DONSON: variants seen among roughly 807,000 people sequenced by gnomAD.
DONSON encodes the protein DNA replication fork stabilization factor DONSON.
DONSON carries 43 observed loss-of-function variants against 62.1 expected under a neutral mutation model. That is an observed-to-expected ratio of 0.69 (90% CI 0.54 to 0.89). The LOEUF (loss-of-function observed/expected upper bound fraction) is 0.89, where lower values mean the gene tolerates loss of function less well. Ranked by LOEUF, DONSON falls within the 40% of genes least tolerant of loss-of-function variation. The pLI is 0.00. For synonymous variants in DONSON, 266 were observed against 264.6 expected (o/e 1.01, Z -0.05); for missense variants, 696 against 697.5 (o/e 1.00, Z 0.03).
chr21:33,578,833 CTG>C (rs1463321812), intron 9 of DONSON, among the ~76,000 whole-genome samples: 2 of 152,204 alleles, frequency 1.3e-5, no homozygotes, highest in Non-Finnish European at 2.9e-5. Context: ...TCTTCAGTCA[CTG>C]TTAAAACTAT....
chr21:33,583,717 G>C (rs770284484), intron 4 of DONSON, 51 bp from the exon 5 acceptor site: 2 of 1,373,966 alleles, frequency 1.5e-6, no homozygotes, highest in South Asian at 2.7e-5. Flanking sequence ...TTAATGCAAT[G>C]TTTATAATTC....
At chr21:33,586,613 G>A (rs76949788) in intron 2 of DONSON, among the ~76,000 whole-genome samples, 16 of 152,158 alleles carry the variant, frequency 1.1e-4, no homozygotes, top group African/African-American at 3.6e-4. Flanking sequence ...GCTTCAGGTC[G>A]ACGTTCTCCA....
At chr21:33,578,517 T>C (rs2086462673) in intron 9 of DONSON, 73 bp from the exon 10 acceptor site, 1 of 1,425,978 alleles carries the variant, frequency 7.0e-7, no homozygotes. Flanking sequence ...ATAATTACTA[T>C]GGAGACTGAC....
intron 3 of DONSON, 108 bp from the exon 4 acceptor site, chr21:33,584,876 C>A: frequency 1.1e-6 from 1 of 918,520 alleles, no homozygotes; most frequent in Non-Finnish European, 1.5e-6. Context: ...TTATTGCTTT[C>A]TATAGGAAAG....
chr21:33,586,152 A>ATCC lies in DONSON; in HGVS notation c.431_432insGGA (p.Pro143_Asp144insGlu). Reference sequence around the variant, plus strand: ...ACTCAGTACTTTTTGAGGACGGAATATCAGGCTCGGAGAATGATACATGTG... The same window carrying ATCC: ...ACTCAGTACTTTTTGAGGACGGAATATCCTCAGGCTCGGAGAATGATACATGTG... On this transcript the variant is annotated inframe_insertion, in exon 3 of 10. Transcript: ENST00000303071. 1 of 1,614,168 alleles carries ATCC rather than the reference A, an allele frequency of 6.2e-7. No homozygotes were observed. The highest frequency in any genetic ancestry group is 8.5e-7 in the Non-Finnish European group (1 of 1,180,016).
chr21:33,587,704 A>C, intron 1 of DONSON, 102 bp from the exon 2 acceptor site: 1 of 723,980 alleles, frequency 1.4e-6, no homozygotes, highest in South Asian at 2.1e-5. Context: ...AATAAACGCA[A>C]GTACACCTAA....
At chr21:33,584,417 TA>T (rs762498161) in intron 4 of DONSON, among the ~76,000 whole-genome samples, 172 bp downstream of exon 4, 297 of 135,468 alleles carry the variant, frequency 2.2e-3, no homozygotes, top group Non-Finnish European at 2.2e-3. Flanking sequence ...GAGTAACAGC[TA>T]AAAAAAAAAA....
intron 8 of DONSON, among the ~76,000 whole-genome samples, chr21:33,580,001 C>A (rs1313153664): frequency 1.3e-5 from 2 of 151,772 alleles, no homozygotes; most frequent in Non-Finnish European, 2.9e-5. Context: ...TCAAGACCAG[C>A]CTGGCCAACA....
At chr21:33,584,201 C>T (rs1349030529) in intron 4 of DONSON, among the ~76,000 whole-genome samples, 5 of 151,436 alleles carry the variant, frequency 3.3e-5, no homozygotes, top group South Asian at 2.1e-4. Context: ...CCCGCCACCA[C>T]ACCAGGCTAA....
rs1038999389 is a variant in DONSON, at chr21:33,583,765, A to G, written c.786-99T>C. The G allele has an allele frequency of 1.3e-5, 13 of 973,724 alleles. No individual in the cohort carries two copies. The South Asian group carries it at 2.4e-4, about 18-fold the overall frequency. The allele number at this position is 973,724 out of a possible 1,614,324, so 60.3% of individuals were successfully genotyped here. On this transcript the variant is annotated intron_variant, in intron 4 of 9. Transcript: ENST00000303071. ...TTTGATACCTGGTTTAAAACACAAC[A>G]CAAATATTTTAGATAATGGTTTTAA...
rs766754894 is a variant in DONSON at position 33,588,346 on chromosome 21, C to A, written c.296G>T (p.Arg99Leu). The change falls in exon 1 of 10, where the codon CGC becomes CTC. Residue 99 changes from arginine (R) to leucine (L), a missense_variant. Arg to Leu is a moderately radical substitution (Grantham distance 102). Transcript: ENST00000303071. ...VAAEPPDGPAREQPEAPVPFL... is the reference protein window; with the variant it reads ...VAAEPPDGPALEQPEAPVPFL... ...CGGGACCGGGGCCTCCGGCTGCTCG[C>A]GGGCCGGCCCGTCGGGGGGCTCCGC... 1 of 1,292,426 alleles carries A rather than the reference C, an allele frequency of 7.7e-7. No individual in the cohort carries two copies. The allele number at this position is 1,292,426 out of a possible 1,614,324, so 80.1% of individuals were successfully genotyped here.
rs758229003 is a variant in DONSON at position 33,578,277 on chromosome 21, C to CA, written c.*29dup. The CA allele has an allele frequency of 5.6e-6, 9 of 1,592,934 alleles. No homozygotes were observed. The South Asian group carries it at 1.0e-4, about 18-fold the overall frequency. On this transcript the variant is annotated 3_prime_UTR_variant, in exon 10 of 10. Coordinates refer to ENST00000303071, the MANE Select transcript of DONSON (RefSeq NM_017613.4). ...TTCCTTGCTAGAAGGCTTTTTTCCT[C>CA]AAAGATTCCTTTTAGGCTTACTTTG...
chr21:33,580,806 CCA>C (rs1392746699), intron 8 of DONSON, among the ~76,000 whole-genome samples: 3 of 152,060 alleles, frequency 2.0e-5, no homozygotes, highest in South Asian at 2.1e-4. Context: ...CGCTTGAACC[CCA>C]GAGTTGGAGG....
At chr21:33,587,803 G>A (rs918087659) in intron 1 of DONSON, among the ~76,000 whole-genome samples, 2 of 152,140 alleles carry the variant, frequency 1.3e-5, no homozygotes, top group Non-Finnish European at 2.9e-5. Context: ...AACAGGGACC[G>A]GCGTTTCAAA....
Position 33,584,804 on chromosome 21 carries a change from C to T in DONSON, c.607-36G>A, listed in dbSNP as rs752810960. 1 of 1,441,216 alleles carries T rather than the reference C, an allele frequency of 6.9e-7. No individual in the cohort carries two copies. Among genetic ancestry groups the T allele is most frequent in the South Asian group, 1.6e-5 (1 of 62,888 alleles). The allele number at this position is 1,441,216 out of a possible 1,614,324, so 89.3% of individuals were successfully genotyped here. On this transcript the variant is annotated intron_variant, in intron 3 of 9. Coordinates refer to ENST00000303071, the MANE Select transcript of DONSON (RefSeq NM_017613.4). The stretch of plus-strand genomic sequence containing the variant: ...AAGGTGACAGTGGGCAGTTTTTGCC[C>T]ATTGAGAAATAGAGAATTTTATTAA...
chr21:33,580,903 A>G (rs1233405049), intron 8 of DONSON, among the ~76,000 whole-genome samples: 1 of 151,386 alleles, frequency 6.6e-6, no homozygotes, highest in Non-Finnish European at 1.5e-5. Context: ...AAAAACAAAC[A>G]AGAAAAAAAA....
intron 7 of DONSON, 67 bp downstream of exon 7, chr21:33,581,884 A>G (rs1266312195): frequency 3.6e-6 from 5 of 1,384,270 alleles, no homozygotes; most frequent in Admixed American, 1.7e-5. Context: ...AAAACTGCCA[A>G]TGTTAAACTT....
chr21:33,583,225 A>AAAAAAAAAAAAAAAAAAAAT (rs1209982782), intron 5 of DONSON, among the ~76,000 whole-genome samples: 3 of 139,896 alleles, frequency 2.1e-5, no homozygotes, highest in Non-Finnish European at 4.6e-5. Context: ...AAAAAAAAAA[A>AAAAAAAAAAAAAAAAAAAAT]GAATGATCAT....
intron 4 of DONSON, among the ~76,000 whole-genome samples, chr21:33,584,015 TA>T (rs1486768265): frequency 7.9e-4 from 8 of 10,126 alleles, no homozygotes; most frequent in African/African-American, 1.6e-3. Context: ...GCTGCGTGTT[TA>T]TATATATATA....
Sources: allele counts gnomAD v4.1 joint callset (sites outside exome capture counted in the v4.1 genomes callset), GRCh38; gene constraint gnomAD v4.1.1; transcripts MANE v1.5; gene names NCBI Gene and HGNC (gene_info 2026-07-23, HGNC 2026-07-21).